FYB1: variants seen among roughly 807,000 people sequenced by gnomAD.
FYB1 encodes FYN binding protein 1.
A neutral mutation model predicts 94.1 loss-of-function variants in FYB1; 41 were observed. The ratio of observed to expected loss-of-function variants is 0.44; its 90% CI spans 0.34 to 0.57. The LOEUF is 0.57. Ranked by LOEUF, FYB1 falls within the 20% of genes least tolerant of loss-of-function variation. The pLI, the probability that FYB1 is intolerant of heterozygous loss-of-function variation, is 0.02. For synonymous variants in FYB1, 367 were observed against 353.2 expected (o/e 1.04, Z -0.44); for missense variants, 1,050 against 976.8 (o/e 1.07, Z -1.00).
rs71606520 is a variant in FYB1 at position 39,147,452 on chromosome 5, CTGTGTGTG to C, written c.1292+5988_1292+5995del. On this transcript the variant is annotated intron_variant, in intron 3 of 18. Coordinates refer to ENST00000512982, the MANE Select transcript of FYB1 (RefSeq NM_001465.6). Reference sequence around the variant, plus strand: ...CCCAGCTAAACTTTTGTACATATGCCTGTGTGTGTGTGTGTGTGTGTGTGTGTGTGTGT... The same window carrying C: ...CCCAGCTAAACTTTTGTACATATGCCTGTGTGTGTGTGTGTGTGTGTGTGT... Among the ~76,000 whole-genome samples the C allele has an allele frequency of 2.4e-4, 35 of 144,602 alleles. No individual in the cohort carries two copies. In the South Asian group the frequency reaches 2.7e-3, roughly 11 times the overall value. The allele number at this position is 144,602 out of a possible 152,430, so 94.9% of individuals were successfully genotyped here.
Position 39,253,634 on chromosome 5 carries a change from A to G in FYB1, c.-28+20769T>C, listed in dbSNP as rs1054564167. ...TAAGGTATAGGATTGTTACATAGGT[A>G]AATGTGTGTTGTAAGGTATAGGATT... On this transcript the variant is annotated intron_variant, in intron 1 of 1. Coordinates refer to the FYB1 transcript ENST00000510188. Among the ~76,000 whole-genome samples the G allele has an allele frequency of 7.9e-5, 12 of 152,186 alleles. 1 individual carries two copies. The highest frequency in any genetic ancestry group is 2.0e-4 in the Admixed American group (3 of 15,272).
chr5:39,253,734 G>A (rs958627138), intron 1 of FYB1, among the ~76,000 whole-genome samples: 2 of 152,208 alleles, frequency 1.3e-5, no homozygotes, highest in African/African-American at 4.8e-5. Context: ...GTATAGGATT[G>A]TTACATAGGT....
At chr5:39,254,663 T>C (rs1362811) in intron 1 of FYB1, among the ~76,000 whole-genome samples, 48,828 of 152,094 alleles carry the variant, frequency 0.32, 9,506 homozygotes, top group African/African-American at 0.55. Flanking sequence ...TTGCAAGCCT[T>C]GTGGAAAACA....
At chr5:39,130,536 A>G in intron 10 of FYB1, 54 bp downstream of exon 10, 1 of 1,393,930 alleles carries the variant, frequency 7.2e-7, no homozygotes, top group Non-Finnish European at 1.0e-6. Flanking sequence ...CCATAAATAC[A>G]TGCCAATATA....
At chr5:39,167,270 T>C (rs1744826108) in intron 2 of FYB1, among the ~76,000 whole-genome samples, 1 of 151,886 alleles carries the variant, frequency 6.6e-6, no homozygotes, top group South Asian at 2.1e-4. Context: ...TCTCTCTCTC[T>C]GTCTCTCTCT....
At chr5:39,250,470 G>C (rs531847150) in intron 1 of FYB1, among the ~76,000 whole-genome samples, 1 of 152,216 alleles carries the variant, frequency 6.6e-6, no homozygotes, top group Non-Finnish European at 1.5e-5. Flanking sequence ...AAGCATTTTG[G>C]GAACATTATC....
At position 39,134,254 on chromosome 5, in the gene FYB1, C is replaced by T; in HGVS notation, c.1771G>A (p.Asp591Asn). The part of the protein sequence containing the change: ...LGAPSRPIED[D>N]QEVYDDVAEQ... ...GCAACATCATCATATACTTCTTGGT[C>T]ATCTTCAATAGGTCTTGAAGGGGCA... The change falls in exon 9 of 19, where the codon GAC (aspartate) becomes AAC (asparagine). Residue 591 changes from aspartate to asparagine, a missense_variant. By Grantham distance (23) the Asp-to-Asn change is conservative. Transcript: ENST00000512982. 1 of 1,612,362 alleles carries T rather than the reference C, an allele frequency of 6.2e-7. No homozygotes were observed. The highest frequency in any genetic ancestry group is 8.5e-7 in the Non-Finnish European group (1 of 1,178,620).
At chr5:39,245,663 A>G (rs988188263) in intron 1 of FYB1, among the ~76,000 whole-genome samples, 17 of 150,676 alleles carry the variant, frequency 1.1e-4, no homozygotes. Flanking sequence ...CAGTGATATG[A>G]TCTCTGCTCA....
chr5:39,199,162 T>C (rs1404969487), intron 2 of FYB1, among the ~76,000 whole-genome samples: 2 of 151,884 alleles, frequency 1.3e-5, no homozygotes, highest in Non-Finnish European at 2.9e-5. Context: ...TCCAGAATTA[T>C]AAAAAATAGA....
intron 15 of FYB1, among the ~76,000 whole-genome samples, 153 bp downstream of exon 15, chr5:39,119,382 G>A (rs1739871157): frequency 1.3e-5 from 2 of 151,860 alleles, no homozygotes; most frequent in South Asian, 2.1e-4. Flanking sequence ...GAGTTATAAC[G>A]GCTAACTGTA....
Position 39,210,579 on chromosome 5 carries a change from G to A in FYB1, c.-27-7592C>T, listed in dbSNP as rs142166963. Among the ~76,000 whole-genome samples the A allele has an allele frequency of 1.7e-4, 26 of 152,286 alleles. 1 individual carries two copies. The highest frequency in any genetic ancestry group is 6.0e-4 in the African/African-American group (25 of 41,564). On this transcript the variant is annotated intron_variant, in intron 1 of 18. Transcript: ENST00000512982. ...ACCCCCTGTTTTTAGAATCAGGAGC[G>A]GGACAATCATCATCATTCTACAAAT...
At chr5:39,124,695 G>T (rs1740458323) in intron 12 of FYB1, among the ~76,000 whole-genome samples, 1 of 152,054 alleles carries the variant, frequency 6.6e-6, no homozygotes, top group Admixed American at 6.6e-5. Flanking sequence ...CAGAAATACA[G>T]ACTCAAAATT....
chr5:39,132,408 T>C (rs915280755), intron 9 of FYB1, among the ~76,000 whole-genome samples: 3 of 152,336 alleles, frequency 2.0e-5, no homozygotes, highest in Non-Finnish European at 4.4e-5. Flanking sequence ...TCTTCTTCTT[T>C]AATTTTCTTA....
At chr5:39,139,512 C>T (rs2150328101) in intron 4 of FYB1, 1 of 256,510 alleles carries the variant, frequency 3.9e-6, no homozygotes, top group South Asian at 7.9e-5. Flanking sequence ...AATTAATACA[C>T]TGTTTATTAC....
chr5:39,184,202 T>C (rs1303624464), intron 2 of FYB1, among the ~76,000 whole-genome samples: 1 of 152,216 alleles, frequency 6.6e-6, no homozygotes, highest in Non-Finnish European at 1.5e-5. Context: ...AAGCAGATTG[T>C]TGTCAAAGTT....
Position 39,106,672 on chromosome 5 carries a change from G to A in FYB1, c.*771C>T, listed in dbSNP as rs1760395583. The A allele has an allele frequency of 6.6e-6, 1 of 151,818 alleles. No homozygotes were observed. Among genetic ancestry groups the A allele is most frequent in the African/African-American group, 2.4e-5 (1 of 41,354 alleles). The allele number at this position is 151,818 out of a possible 1,614,324, so 9.4% of individuals were successfully genotyped here. ...TTCTTCCATTCCTCATGATTTTAGG[G>A]TTATCCTCATTCAGATCTACTCTAG... On this transcript the variant is annotated 3_prime_UTR_variant, in exon 19 of 19. Transcript: ENST00000512982.
At chr5:39,118,617 T>A (rs781375409) in intron 16 of FYB1, among the ~76,000 whole-genome samples, 1 of 152,204 alleles carries the variant, frequency 6.6e-6, no homozygotes, top group Non-Finnish European at 1.5e-5. Context: ...TAGTACTGCA[T>A]TTTGAGAAGC....
At chr5:39,142,295 C>T (rs776680222) in intron 3 of FYB1, among the ~76,000 whole-genome samples, 1 of 152,044 alleles carries the variant, frequency 6.6e-6, no homozygotes, top group Non-Finnish European at 1.5e-5. Flanking sequence ...CTCTCCACTC[C>T]CCTATAATCA....
chr5:39,269,763 G>A (rs1752595160), intron 1 of FYB1: 1 of 152,180 alleles, frequency 6.6e-6, no homozygotes. Context: ...GCTGACAAAA[G>A]GCAGGTATCC....
Sources: allele counts gnomAD v4.1 joint callset (sites outside exome capture counted in the v4.1 genomes callset), GRCh38; gene constraint gnomAD v4.1.1; transcripts MANE v1.5; gene names NCBI Gene and HGNC (gene_info 2026-07-23, HGNC 2026-07-21).